The following E2F3 variants were observed in gnomAD, a reference collection of about 807,000 sequenced individuals.
The protein encoded by E2F3 is E2F transcription factor 3, also known as transcription factor E2F3.
In E2F3, 11 loss-of-function variants were observed where a neutral mutation model predicts 44.4. The ratio of observed to expected loss-of-function variants is 0.25; its 90% CI spans 0.16 to 0.41. The LOEUF is 0.41. Among genes scored for constraint, E2F3 ranks in the 10% least tolerant of loss-of-function variants. E2F3 has a pLI of 1.00. For missense variants in E2F3, 487 were observed against 583.6 expected (o/e 0.83, Z 1.70); for synonymous variants, 249 against 253.0 (o/e 0.98, Z 0.15).
At chr6:20,407,015 G>C (rs1422762209) in intron 1 of E2F3, among the ~76,000 whole-genome samples, 1 of 152,178 alleles carries the variant, frequency 6.6e-6, no homozygotes, top group Non-Finnish European at 1.5e-5. Flanking sequence ...CACAGTCATA[G>C]CAACCTACTG....
intron 1 of E2F3, among the ~76,000 whole-genome samples, chr6:20,442,768 G>A (rs1254928988): frequency 6.6e-6 from 1 of 152,038 alleles, no homozygotes; most frequent in African/African-American, 2.4e-5. Flanking sequence ...TCAGGAGTTG[G>A]AGATCAGCCT....
chr6:20,483,127 T>G (rs1393638360), intron 4 of E2F3, among the ~76,000 whole-genome samples: 1 of 152,146 alleles, frequency 6.6e-6, no homozygotes, highest in Non-Finnish European at 1.5e-5. Flanking sequence ...TATGGTAAGA[T>G]AGTCACCAAC....
In E2F3 at chr6:20,444,041, G is replaced by A. The variant is rs1197789949; in HGVS notation, c.394-35805G>A. 2.6e-5 allele frequency among the ~76,000 whole-genome samples: 4 copies of A among 151,708 alleles called. No homozygotes were observed. The East Asian group carries it at 7.8e-4, about 30-fold the overall frequency. On this transcript the variant is annotated intron_variant, in intron 1 of 6. Transcript: ENST00000346618. ...AGTCTGGGCAACATAGTGAAACCAG[G>A]TCTCTACAAAAAAAAATTAGTCAGG... is the stretch of plus-strand genomic sequence containing the variant.
At chr6:20,412,674 A>T (rs532493028) in intron 1 of E2F3, among the ~76,000 whole-genome samples, 1 of 152,290 alleles carries the variant, frequency 6.6e-6, no homozygotes, top group East Asian at 1.9e-4. Context: ...GAAACGTACT[A>T]TCAAAAGGGG....
At chr6:20,466,292 T>G (rs1761709503) in intron 1 of E2F3, among the ~76,000 whole-genome samples, 1 of 152,142 alleles carries the variant, frequency 6.6e-6, no homozygotes, top group Non-Finnish European at 1.5e-5. Context: ...TTTGTATTTT[T>G]GGTAGAGATG....
At chr6:20,413,430 C>T (rs1045114537) in intron 1 of E2F3, among the ~76,000 whole-genome samples, 1 of 152,196 alleles carries the variant, frequency 6.6e-6, no homozygotes, top group African/African-American at 2.4e-5. Flanking sequence ...AGCTCTTCCT[C>T]GTTTGGAAAG....
intron 1 of E2F3, among the ~76,000 whole-genome samples, chr6:20,403,046 G>A (rs549369838): frequency 6.6e-6 from 1 of 152,048 alleles, no homozygotes; most frequent in East Asian, 1.9e-4. Context: ...GCTCTGAGGG[G>A]TTGAAACCGG....
chr6:20,462,863 T>TTTG (rs1761567138), intron 1 of E2F3, among the ~76,000 whole-genome samples: 1 of 4,242 alleles, frequency 2.4e-4, no homozygotes, highest in Admixed American at 3.6e-3. Context: ...CTCTCTCTTT[T>TTTG]TTTTTTTTTT....
chr6:20,423,910 A>G (rs945150542), intron 1 of E2F3, among the ~76,000 whole-genome samples: 1 of 151,990 alleles, frequency 6.6e-6, no homozygotes, highest in Non-Finnish European at 1.5e-5. Flanking sequence ...CTGGGATTAC[A>G]GGTACCTGCC....
chr6:20,450,050 T>C (rs928103892), intron 1 of E2F3, among the ~76,000 whole-genome samples: 1 of 152,202 alleles, frequency 6.6e-6, no homozygotes, highest in Non-Finnish European at 1.5e-5. Flanking sequence ...TTCCATGTCT[T>C]TGCTATTGTG....
chr6:20,432,730 G>C (rs1760448338), intron 1 of E2F3, among the ~76,000 whole-genome samples: 3 of 152,198 alleles, frequency 2.0e-5, no homozygotes, highest in African/African-American at 7.2e-5. Flanking sequence ...CCAGGGTCTT[G>C]TGGAAGACCC....
intron 1 of E2F3, among the ~76,000 whole-genome samples, chr6:20,458,629 G>C (rs533420528): frequency 1.3e-5 from 2 of 152,272 alleles, no homozygotes; most frequent in East Asian, 3.9e-4. Context: ...CACTCTCCAA[G>C]CCCTAATTCC....
intron 5 of E2F3, among the ~76,000 whole-genome samples, chr6:20,487,441 A>C (rs903094441): frequency 6.6e-6 from 1 of 152,204 alleles, no homozygotes; most frequent in Non-Finnish European, 1.5e-5. Context: ...TAGATGAAAA[A>C]GATTTTTAAA....
rs141538712 is a variant in E2F3 at position 20,443,804 on chromosome 6, G to A, written c.394-36042G>A. ...TCTAAACAAAAGAAAAATTATTTGA[G>A]AGTTAATTGTGTGTGTCTGTACTGC... is the stretch of plus-strand genomic sequence containing the variant. On this transcript the variant is annotated intron_variant, in intron 1 of 6. Transcript: ENST00000346618. 1.0e-3 allele frequency among the ~76,000 whole-genome samples: 152 copies of A among 152,252 alleles called. 1 individual carries two copies. In the East Asian group the frequency reaches 0.027, roughly 27 times the overall value.
intron 1 of E2F3, among the ~76,000 whole-genome samples, chr6:20,416,658 A>T (rs879537412): frequency 1.3e-4 from 20 of 152,212 alleles, no homozygotes; most frequent in Non-Finnish European, 2.6e-4. Flanking sequence ...GTATGGCTTA[A>T]CAAGTCCCCA....
intron 4 of E2F3, among the ~76,000 whole-genome samples, chr6:20,485,990 T>C (rs2127625267): frequency 6.6e-6 from 1 of 152,332 alleles, no homozygotes; most frequent in East Asian, 1.9e-4. Context: ...AATTGGAATC[T>C]GCCATCATTC....
rs536971221 is a variant in E2F3 at position 20,476,147 on chromosome 6, G to A, written c.394-3699G>A. On this transcript the variant is annotated intron_variant, in intron 1 of 6. Transcript: ENST00000346618. Reference sequence around the variant, plus strand: ...AGCACTTGAGGAGGCCGAGGAAGGCGGATCACGAGGTCAGGAGATCAAGAA... The same window carrying A: ...AGCACTTGAGGAGGCCGAGGAAGGCAGATCACGAGGTCAGGAGATCAAGAA... Among the ~76,000 whole-genome samples the A allele has an allele frequency of 1.5e-3, 224 of 152,164 alleles. 2 individuals are homozygous for A. Among genetic ancestry groups the A allele is most frequent in the African/African-American group, 5.1e-3 (210 of 41,544 alleles).
In E2F3 at chr6:20,461,079, C is replaced by T. The variant is rs374986400; in HGVS notation, c.394-18767C>T. ...CAGGTAATCCTCCAAAATAGTTATA[C>T]TAAGTCTCATGCCCATTCTTCTGCC... On this transcript the variant is annotated intron_variant, in intron 1 of 6. Transcript: ENST00000346618. Among the ~76,000 whole-genome samples the T allele has an allele frequency of 5.7e-4, 84 of 146,376 alleles. No individual in the cohort carries two copies. The East Asian group carries it at 0.014, about 24-fold the overall frequency.
In E2F3 at chr6:20,402,579, C is replaced by T. The variant is rs189058327; in HGVS notation, c.347C>T (p.Pro116Leu). ...AGCAGAGCCGGGCTGCTGCAGCAGC[C>T]ACCAGCGCTGGGACGCGGCGGCAGC... ...PSSRAGLLQQ[P>L]PALGRGGSGG... is the part of the protein sequence containing the mutation. The change falls in exon 1 of 7, where the codon CCA becomes CTA. Residue 116 changes from proline (P) to leucine (L), a missense_variant. Coordinates refer to ENST00000346618, the MANE Select transcript of E2F3 (RefSeq NM_001949.5). The surrounding 1 kb of genome is among the most constrained non-coding windows in gnomAD (Gnocchi z 5.6). 1.2e-3 allele frequency: 1,744 copies of T among 1,497,894 alleles called. 18 individuals are homozygous for T. The African/African-American group carries it at 0.021, about 18-fold the overall frequency. 92.8% of individuals were successfully genotyped at this position (1,497,894 alleles called of 1,614,324 possible). A position where few individuals can be genotyped will look rare whatever the true frequency, so the allele number is the denominator to read the frequency against.
Sources: allele counts gnomAD v4.1 joint callset (sites outside exome capture counted in the v4.1 genomes callset), GRCh38; gene constraint gnomAD v4.1.1; non-coding constraint Gnocchi (gnomAD v3.1); transcripts MANE v1.5; gene names NCBI Gene and HGNC (gene_info 2026-07-23, HGNC 2026-07-21).